COL23A1: variants seen among roughly 807,000 people sequenced by gnomAD.
The protein encoded by COL23A1 is collagen type XXIII alpha 1 chain.
In COL23A1, 97 loss-of-function variants were observed where a neutral mutation model predicts 99.3. The ratio of observed to expected loss-of-function variants is 0.98; its 90% CI spans 0.83 to 1.16. The LOEUF (loss-of-function observed/expected upper bound fraction) is 1.16, where lower values mean the gene tolerates loss of function less well. Ranked by LOEUF, COL23A1 falls within the 50% of genes most tolerant of loss-of-function variation. The probability of loss-of-function intolerance (pLI) is 0.00; values close to 1 mark genes in which losing one functional copy is unlikely to be tolerated. For synonymous variants in COL23A1, 320 were observed against 308.2 expected (o/e 1.04, Z -0.40); for missense variants, 762 against 757.4 (o/e 1.01, Z -0.07).
intron 2 of COL23A1, among the ~76,000 whole-genome samples, chr5:178,447,619 G>A (rs1227547382): frequency 6.6e-6 from 1 of 152,148 alleles, no homozygotes; most frequent in Non-Finnish European, 1.5e-5. Context: ...TGTGTAGTAG[G>A]TTCTAACATC....
At chr5:178,348,534 C>T (rs1231194491) in intron 2 of COL23A1, among the ~76,000 whole-genome samples, 1 of 152,218 alleles carries the variant, frequency 6.6e-6, no homozygotes, top group African/African-American at 2.4e-5. Flanking sequence ...GGGCTCCGAA[C>T]GGCGCTGGGC....
chr5:178,335,521 T>G (rs914193068), intron 2 of COL23A1, among the ~76,000 whole-genome samples: 3 of 152,252 alleles, frequency 2.0e-5, no homozygotes, highest in African/African-American at 7.2e-5. Flanking sequence ...CGCCTGGGCA[T>G]GTACCAGATA....
intron 5 of COL23A1, among the ~76,000 whole-genome samples, chr5:178,272,491 C>A (rs1756347094): frequency 6.6e-6 from 1 of 152,180 alleles, no homozygotes; most frequent in Admixed American, 6.5e-5. Context: ...GAGTGATGGC[C>A]TGGTGACAGC....
At chr5:178,269,591 AATCCATCCATCCATCCATCC>A (rs535673246) in intron 6 of COL23A1, among the ~76,000 whole-genome samples, 2 of 90,702 alleles carry the variant, frequency 2.2e-5, no homozygotes, top group African/African-American at 9.5e-5. Flanking sequence ...CTCATCCATC[AATCCATCCATCCATCCATCC>A]ATCCATCCAT....
rs750855644 is a variant in COL23A1, at chr5:178,248,258, C to G, written c.1150-4G>C. Reference sequence around the variant, plus strand: ...CCCCCTTGAGGCCGTCAGCGCCCTGCAGGACGGCAATGGCCTGTGAGTCCT... The same window carrying G: ...CCCCCTTGAGGCCGTCAGCGCCCTGGAGGACGGCAATGGCCTGTGAGTCCT... On this transcript the variant is annotated splice_region_variant and splice_polypyrimidine_tract_variant and intron_variant, in intron 19 of 28. Transcript: ENST00000390654. 5 of 1,611,054 alleles carry G rather than the reference C, an allele frequency of 3.1e-6. No homozygotes were observed. The Admixed American group carries it at 8.3e-5, about 27-fold the overall frequency.
chr5:178,496,006 G>A (rs1018878842), intron 2 of COL23A1, among the ~76,000 whole-genome samples: 3 of 152,212 alleles, frequency 2.0e-5, no homozygotes, highest in South Asian at 2.1e-4. Flanking sequence ...CCAGGCAGTC[G>A]AGCTCCAAAC....
chr5:178,337,034 C>G (rs545791617), intron 2 of COL23A1, among the ~76,000 whole-genome samples: 1 of 152,214 alleles, frequency 6.6e-6, no homozygotes, highest in Non-Finnish European at 1.5e-5. Flanking sequence ...ACAGGGATCA[C>G]GCAGATCTCT....
At chr5:178,344,608 A>G (rs904704691) in intron 2 of COL23A1, among the ~76,000 whole-genome samples, 2 of 151,794 alleles carry the variant, frequency 1.3e-5, no homozygotes, top group African/African-American at 4.8e-5. Context: ...ATGTCACTGC[A>G]CTCCAGCCTG....
chr5:178,406,088 G>A (rs1448662495), intron 2 of COL23A1, among the ~76,000 whole-genome samples: 1 of 152,204 alleles, frequency 6.6e-6, no homozygotes, highest in African/African-American at 2.4e-5. Context: ...GGGCAACAGA[G>A]TGAGACTCTG....
intron 2 of COL23A1, among the ~76,000 whole-genome samples, chr5:178,470,073 A>C (rs879490417): frequency 6.6e-6 from 1 of 152,198 alleles, no homozygotes; most frequent in African/African-American, 2.4e-5. Context: ...AAAGTACTCC[A>C]TCATCTCCAT....
At chr5:178,526,854 C>G (rs936052741) in intron 2 of COL23A1, among the ~76,000 whole-genome samples, 2 of 152,198 alleles carry the variant, frequency 1.3e-5, no homozygotes, top group Admixed American at 1.3e-4. Flanking sequence ...AGAATGAGTC[C>G]ATCGCACGCT....
chr5:178,571,642 A>C (rs1763101412), intron 1 of COL23A1, among the ~76,000 whole-genome samples: 1 of 152,178 alleles, frequency 6.6e-6, no homozygotes, highest in Non-Finnish European at 1.5e-5. Context: ...TATGATGAAC[A>C]AAAAAATTAA....
chr5:178,263,625 G>A (rs1476087335), intron 8 of COL23A1, among the ~76,000 whole-genome samples: 4 of 152,210 alleles, frequency 2.6e-5, no homozygotes, highest in Non-Finnish European at 4.4e-5. Flanking sequence ...CTGCATGTGG[G>A]AGACAGCACG....
chr5:178,426,836 A>T (rs1474571446), intron 2 of COL23A1, among the ~76,000 whole-genome samples: 1 of 152,268 alleles, frequency 6.6e-6, no homozygotes, highest in African/African-American at 2.4e-5. Flanking sequence ...ATCAAAGAAC[A>T]TAGATGATGG....
chr5:178,264,848 G>A (rs1755786057), intron 8 of COL23A1, among the ~76,000 whole-genome samples: 1 of 152,146 alleles, frequency 6.6e-6, no homozygotes, highest in Non-Finnish European at 1.5e-5. Flanking sequence ...GTTTCACCAT[G>A]TTGGCCAGGC....
Position 178,582,938 on chromosome 5 carries a change from G to C in COL23A1, c.294+6966C>G, listed in dbSNP as rs983353659. 4.6e-5 allele frequency among the ~76,000 whole-genome samples: 7 copies of C among 152,336 alleles called. No homozygotes were observed. The South Asian group carries it at 8.3e-4, about 18-fold the overall frequency. Reference sequence around the variant, plus strand: ...AGACTGAGTGCCAAACCCACACACAGGGTTCGCAGACATTCGTCCCTTTCA... The same window carrying C: ...AGACTGAGTGCCAAACCCACACACACGGTTCGCAGACATTCGTCCCTTTCA... On this transcript the variant is annotated intron_variant, in intron 1 of 28. Transcript: ENST00000390654.
rs200493328 is a variant in COL23A1, at chr5:178,357,784, ATGTG to A, written c.362-50869_362-50866del. Among the ~76,000 whole-genome samples the A allele has an allele frequency of 5.0e-3, 706 of 140,028 alleles. 2 individuals are homozygous for A. Among genetic ancestry groups the A allele is most frequent in the African/African-American group, 0.017 (628 of 36,926 alleles). 91.9% of individuals were successfully genotyped at this position (140,028 alleles called of 152,430 possible). A position where few individuals can be genotyped will look rare whatever the true frequency, so the allele number is the denominator to read the frequency against. ...TACGTGTATGTATGTGTGTATGTGT[ATGTG>A]TGTGTGTATGTGTGTGTGTATGTGT... On this transcript the variant is annotated intron_variant, in intron 2 of 28. Coordinates refer to ENST00000390654, the MANE Select transcript of COL23A1 (RefSeq NM_173465.4).
At chr5:178,512,277 C>T (rs1562039919) in intron 2 of COL23A1, among the ~76,000 whole-genome samples, 2 of 152,164 alleles carry the variant, frequency 1.3e-5, no homozygotes, top group South Asian at 2.1e-4. Flanking sequence ...GGTCATGGAA[C>T]GTTGGGATAT....
At position 178,310,761 on chromosome 5, in the gene COL23A1, T is replaced by G. The variant is rs1758627388; in HGVS notation, c.362-3842A>C. Among the ~76,000 whole-genome samples the G allele has an allele frequency of 6.6e-6, 1 of 152,160 alleles. No individual in the cohort carries two copies. The highest frequency in any genetic ancestry group is 2.4e-5 in the African/African-American group (1 of 41,444). ...CGGCCCCTGGGAGAGCAGGGCCAGC[T>G]TGGCTGCAGCTAAGACCTGGCTCCA... On this transcript the variant is annotated intron_variant, in intron 2 of 28. Transcript: ENST00000390654. The surrounding 1 kb of genome is among the most constrained non-coding windows in gnomAD (Gnocchi z 4.3).
Sources: gnomAD v4.1 joint callset for allele counts (sites outside exome capture counted in the v4.1 genomes callset) on GRCh38, gnomAD v4.1.1 for gene constraint, Gnocchi (gnomAD v3.1) non-coding constraint, MANE v1.5 for transcripts, NCBI Gene and HGNC (gene_info 2026-07-23, HGNC 2026-07-21) for gene names.